The following SEMA6D variants were observed in gnomAD, a reference collection of about 807,000 sequenced individuals.
SEMA6D encodes the protein semaphorin-6D.
A neutral mutation model predicts 106.6 loss-of-function variants in SEMA6D; 35 were observed. That is an observed-to-expected ratio of 0.33 (90% confidence interval 0.25 to 0.44). SEMA6D has a LOEUF of 0.44. SEMA6D is among the 20% of genes least tolerant of loss of function. The pLI is 1.00. For missense variants in SEMA6D, 1,185 were observed against 1,345.9 expected, an observed-to-expected ratio of 0.88 and a Z score of 1.87; for synonymous variants, 499 against 487.7, an observed-to-expected ratio of 1.02 and a Z score of -0.31.
At chr15:47,541,572 A>G (rs555522613) in intron 3 of SEMA6D, among the ~76,000 whole-genome samples, 91 of 152,316 alleles carry the variant, frequency 6.0e-4, no homozygotes, top group Non-Finnish European at 1.1e-3. Flanking sequence ...GGGGAAAAAA[A>G]GAACTGTGAA....
intron 4 of SEMA6D, among the ~76,000 whole-genome samples, chr15:47,679,671 T>G (rs1266394571): frequency 6.6e-6 from 1 of 152,232 alleles, no homozygotes; most frequent in African/African-American, 2.4e-5. Flanking sequence ...TTTTATTTTT[T>G]AACTTGATAA....
At chr15:47,766,591 A>T in intron 15 of SEMA6D, 25 bp from the exon 16 acceptor site, 2 of 1,611,826 alleles carry the variant, frequency 1.2e-6, no homozygotes, top group South Asian at 1.1e-5. Flanking sequence ...TTAACCGAAG[A>T]CTTCTTTGCT....
At chr15:47,257,691 G>A (rs2033880689) in intron 1 of SEMA6D, among the ~76,000 whole-genome samples, 1 of 151,546 alleles carries the variant, frequency 6.6e-6, no homozygotes, top group Non-Finnish European at 1.5e-5. Context: ...TTTTAGGATA[G>A]GATATGGGTC....
chr15:47,766,586 C>T (rs762793507), intron 15 of SEMA6D, 30 bp from the exon 16 acceptor site: 64 of 1,610,494 alleles, frequency 4.0e-5, no homozygotes, highest in Non-Finnish European at 5.3e-5. Flanking sequence ...GGCTGTTAAC[C>T]GAAGACTTCT....
chr15:47,396,249 A>G (rs565399724), intron 1 of SEMA6D: 2 of 152,242 alleles, frequency 1.3e-5, no homozygotes, highest in Admixed American at 1.3e-4. Context: ...CAAGCTGACT[A>G]AGTTAGGGGC....
chr15:47,607,109 A>G (rs1243702307), intron 4 of SEMA6D, among the ~76,000 whole-genome samples: 3 of 97,418 alleles, frequency 3.1e-5, no homozygotes, highest in African/African-American at 1.7e-4. Flanking sequence ...TTGATCAGAT[A>G]GATACCTTTT....
chr15:47,278,074 C>T (rs902712933), intron 1 of SEMA6D, among the ~76,000 whole-genome samples: 17 of 151,144 alleles, frequency 1.1e-4, no homozygotes, highest in Admixed American at 2.6e-4. Context: ...AATAAACATA[C>T]GTGTGCATGT....
chr15:47,764,154 AT>A lies in SEMA6D; in HGVS notation c.966-19del, dbSNP rs1567102408. 2 of 1,613,092 alleles carry A rather than the reference AT, an allele frequency of 1.2e-6. No homozygotes were observed. Among genetic ancestry groups the A allele is most frequent in the Non-Finnish European group, 1.7e-6 (2 of 1,179,402 alleles). ...GCTTCATGTCGCCAGCCTCTTCCTG[AT>A]GATTTTCTTCCTTTTCAGCATCCCT... On this transcript the variant is annotated intron_variant, in intron 10 of 18. Transcript: ENST00000536845.
rs184278377 is a variant in SEMA6D, at chr15:47,506,640, C to T, written c.-87+36095C>T. ...CACACACACACACACACAGCGTTAT[C>T]GACTGCCTTGCTCATCCCCCAGTGC... On this transcript the variant is annotated intron_variant, in intron 3 of 19. Coordinates refer to the SEMA6D transcript ENST00000558014. Among the ~76,000 whole-genome samples the T allele has an allele frequency of 4.7e-4, 63 of 134,358 alleles. No homozygotes were observed. In the East Asian group the frequency reaches 0.013, roughly 28 times the overall value. The allele number at this position is 134,358 out of a possible 152,430, so 88.1% of individuals were successfully genotyped here.
chr15:47,590,296 C>T (rs944882067), intron 3 of SEMA6D, among the ~76,000 whole-genome samples: 6 of 150,956 alleles, frequency 4.0e-5, no homozygotes, highest in South Asian at 2.1e-4. Context: ...AACCAAACAC[C>T]GCATGTTTTC....
intron 1 of SEMA6D, among the ~76,000 whole-genome samples, chr15:47,252,491 A>G (rs2033578561): frequency 6.6e-6 from 1 of 152,114 alleles, no homozygotes; most frequent in South Asian, 2.1e-4. Flanking sequence ...AAACATTAGA[A>G]CTTACTCTTC....
At position 47,567,925 on chromosome 15, in the gene SEMA6D, G is replaced by A. The variant is rs540008274; in HGVS notation, c.-86-32940G>A. ...ACAAAAAATTTAAATAGGTGATGCC[G>A]AGAGCGAGAAACCCACATGGCCAAT... On this transcript the variant is annotated intron_variant, in intron 3 of 19. Coordinates refer to the SEMA6D transcript ENST00000558014. Among the ~76,000 whole-genome samples, 15 of 152,256 alleles carry A rather than the reference G, an allele frequency of 9.9e-5. No homozygotes were observed. The East Asian group carries it at 2.9e-3, about 29-fold the overall frequency.
At chr15:47,216,210 A>G (rs1436567791) in intron 1 of SEMA6D, among the ~76,000 whole-genome samples, 2 of 152,178 alleles carry the variant, frequency 1.3e-5, no homozygotes, top group Admixed American at 6.6e-5. Flanking sequence ...TTTCATGAGC[A>G]TGTAGCTTTA....
intron 1 of SEMA6D, among the ~76,000 whole-genome samples, chr15:47,213,969 G>C (rs916479284): frequency 6.6e-6 from 1 of 152,104 alleles, no homozygotes; most frequent in East Asian, 1.9e-4. Context: ...ACTTGAATGA[G>C]AAAGGTGATG....
chr15:47,712,927 T>C (rs2079046727), upstream of SEMA6D, among the ~76,000 whole-genome samples: 1 of 152,180 alleles, frequency 6.6e-6, no homozygotes, highest in Admixed American at 6.5e-5. Context: ...GCCAGCTTTT[T>C]GTATGACCCA....
chr15:47,417,436 T>G (rs975286612), intron 2 of SEMA6D, among the ~76,000 whole-genome samples: 2 of 151,834 alleles, frequency 1.3e-5, no homozygotes, highest in South Asian at 4.1e-4. Context: ...TGTGTGTGTG[T>G]GTGTGTCAGA....
At chr15:47,695,709 G>A (rs1302213902) in intron 4 of SEMA6D, among the ~76,000 whole-genome samples, 2 of 152,158 alleles carry the variant, frequency 1.3e-5, no homozygotes, top group Non-Finnish European at 2.9e-5. Context: ...AACTAGTATA[G>A]GAAGGGAAAA....
At chr15:47,667,673 ATCT>A (rs1356542758) in intron 4 of SEMA6D, among the ~76,000 whole-genome samples, 4 of 152,182 alleles carry the variant, frequency 2.6e-5, no homozygotes, top group South Asian at 2.1e-4. Context: ...ATAGACGACC[ATCT>A]TCTTGCTGTC....
chr15:47,261,570 G>C (rs1000508997), intron 1 of SEMA6D, among the ~76,000 whole-genome samples: 1 of 151,990 alleles, frequency 6.6e-6, no homozygotes, highest in African/African-American at 2.4e-5. Flanking sequence ...ATAATTTTAA[G>C]TGTATTGACA....
Sources: gnomAD v4.1 joint callset for allele counts (sites outside exome capture counted in the v4.1 genomes callset) on GRCh38, gnomAD v4.1.1 for gene constraint, MANE v1.5 for transcripts, NCBI Gene and HGNC (gene_info 2026-07-23, HGNC 2026-07-21) for gene names.